The following ADAMTS12 variants were observed in gnomAD, a reference collection of about 807,000 sequenced individuals.
ADAMTS12 encodes the protein A disintegrin and metalloproteinase with thrombospondin motifs 12.
ADAMTS12 carries 118 observed loss-of-function variants against 167.8 expected under a neutral mutation model. The ratio of observed to expected loss-of-function variants is 0.70; its 90% CI spans 0.61 to 0.82. The LOEUF is 0.82. ADAMTS12 is among the 40% of genes least tolerant of loss of function. The probability of loss-of-function intolerance (pLI) is 0.00; values close to 1 mark genes in which losing one functional copy is unlikely to be tolerated. For synonymous variants in ADAMTS12, 704 were observed against 716.9 expected (o/e 0.98, Z 0.29); for missense variants, 1,916 against 1,998.8 (o/e 0.96, Z 0.79).
chr5:33,644,377 A>G (rs1277479278), intron 9 of ADAMTS12, among the ~76,000 whole-genome samples: 1 of 152,176 alleles, frequency 6.6e-6, no homozygotes. Context: ...GAAGCACCCA[A>G]GTGGGAAGGG....
intron 12 of ADAMTS12, among the ~76,000 whole-genome samples, chr5:33,632,077 T>C (rs1442875358): frequency 7.1e-6 from 1 of 141,816 alleles, no homozygotes; most frequent in African/African-American, 2.5e-5. Context: ...GCTGAAATGC[T>C]GAACAAACTT....
intron 5 of ADAMTS12, among the ~76,000 whole-genome samples, chr5:33,674,577 G>T (rs1057114435): frequency 5.3e-5 from 8 of 152,134 alleles, no homozygotes; most frequent in Non-Finnish European, 1.2e-4. Context: ...CTGTTTTAAA[G>T]GATTGGGGCT....
rs1342886680 is a variant in ADAMTS12 at position 33,524,860 on chromosome 5, T to C, written c.*2328A>G. 1 of 152,230 alleles carries C rather than the reference T, an allele frequency of 6.6e-6. No individual in the cohort carries two copies. Among genetic ancestry groups the C allele is most frequent in the Non-Finnish European group, 1.5e-5 (1 of 68,042 alleles). The allele number at this position is 152,230 out of a possible 1,614,324, so 9.4% of individuals were successfully genotyped here. A position where few individuals can be genotyped will look rare whatever the true frequency, so the allele number is the denominator to read the frequency against. On this transcript the variant is annotated 3_prime_UTR_variant, in exon 24 of 24. Transcript: ENST00000504830. ...GCCTTTGAGAAACTGGAAAAAGACC[T>C]AGAATGGAGCACCTGGCCAAACTCT... is the stretch of plus-strand genomic sequence containing the variant.
intron 2 of ADAMTS12, among the ~76,000 whole-genome samples, chr5:33,787,304 G>A (rs1177315132): frequency 6.6e-6 from 1 of 152,220 alleles, no homozygotes; most frequent in Non-Finnish European, 1.5e-5. Flanking sequence ...AGAAAGACAG[G>A]TTTGTAGATG....
rs367635836 is a variant in ADAMTS12, at chr5:33,554,353, T to C, written c.4126-4970A>G. Among the ~76,000 whole-genome samples, 197 of 152,244 alleles carry C rather than the reference T, an allele frequency of 1.3e-3. 1 individual carries two copies. The highest frequency in any genetic ancestry group is 4.6e-3 in the African/African-American group (192 of 41,540). ...TGGGTGGACGCCATCATGGAGAACC[T>C]TGTGGTCTGGACATTGGTGGTCTTG... On this transcript the variant is annotated intron_variant, in intron 20 of 23. Coordinates refer to ENST00000504830, the MANE Select transcript of ADAMTS12 (RefSeq NM_030955.4).
rs55672295 is a variant in ADAMTS12 at position 33,538,659 on chromosome 5, G to A, written c.4447-3667C>T. Among the ~76,000 whole-genome samples the A allele has an allele frequency of 8.2e-3, 1,242 of 152,172 alleles. 13 individuals are homozygous for A. The highest frequency in any genetic ancestry group is 0.029 in the African/African-American group (1,208 of 41,494). On this transcript the variant is annotated intron_variant, in intron 22 of 23. Coordinates refer to ENST00000504830, the MANE Select transcript of ADAMTS12 (RefSeq NM_030955.4). ...CTTCCCGGATAAACTGCCACAACAC[G>A]CAGTAGTTCACACAGTTTTTAGAAG...
intron 2 of ADAMTS12, among the ~76,000 whole-genome samples, chr5:33,849,863 AAT>A (rs1303992749): frequency 7.9e-5 from 12 of 151,074 alleles, no homozygotes; most frequent in African/African-American, 2.2e-4. Flanking sequence ...ACATTGTATC[AAT>A]ATATATATGT....
chr5:33,767,271 G>A (rs144896865), intron 2 of ADAMTS12, among the ~76,000 whole-genome samples: 8 of 152,136 alleles, frequency 5.3e-5, no homozygotes, highest in African/African-American at 1.9e-4. Flanking sequence ...TTCCTGAATG[G>A]TTGGATAACG....
intron 2 of ADAMTS12, among the ~76,000 whole-genome samples, chr5:33,763,814 C>T (rs2112413942): frequency 6.6e-6 from 1 of 152,296 alleles, no homozygotes; most frequent in East Asian, 1.9e-4. Flanking sequence ...ATTCTGGTTC[C>T]AGATGCAACA....
chr5:33,588,590 T>G lies in ADAMTS12; in HGVS notation c.2865+9A>C. The G allele has an allele frequency of 6.2e-7, 1 of 1,613,806 alleles. No individual in the cohort carries two copies. The highest frequency in any genetic ancestry group is 8.5e-7 in the Non-Finnish European group (1 of 1,179,692). On this transcript the variant is annotated intron_variant, in intron 18 of 23. Coordinates refer to ENST00000504830, the MANE Select transcript of ADAMTS12 (RefSeq NM_030955.4). The stretch of plus-strand genomic sequence containing the variant: ...TAATGCCAGTTTCCCCGCCGAGCCC[T>G]GAGCTCACCTCACTCCAGTTGCCCA...
intron 18 of ADAMTS12, among the ~76,000 whole-genome samples, chr5:33,579,187 G>A (rs192730916): frequency 4.6e-5 from 7 of 152,250 alleles, no homozygotes; most frequent in South Asian, 4.1e-4. Flanking sequence ...TTTTAGTCAC[G>A]CTGAGTCCCT....
intron 3 of ADAMTS12, among the ~76,000 whole-genome samples, chr5:33,738,247 T>C (rs896249377): frequency 6.6e-6 from 1 of 151,902 alleles, no homozygotes; most frequent in East Asian, 1.9e-4. Context: ...AATACCCTTC[T>C]CCAAACCAGG....
At chr5:33,664,951 T>TTA (rs1018221451) in intron 5 of ADAMTS12, among the ~76,000 whole-genome samples, 15 of 151,984 alleles carry the variant, frequency 9.9e-5, no homozygotes, top group African/African-American at 3.1e-4. Flanking sequence ...ATATATTCCA[T>TTA]TATATATATA....
chr5:33,533,958 T>C (rs533450760), intron 23 of ADAMTS12, among the ~76,000 whole-genome samples: 1 of 152,354 alleles, frequency 6.6e-6, no homozygotes, highest in East Asian at 1.9e-4. Context: ...CACAAAGGGC[T>C]ATCAAATTTT....
rs1365952923 is a variant in ADAMTS12, at chr5:33,885,443, T to C, written c.128-3963A>G. ...GAGATCGTGCCACTGCACTCCAGCCTGGGCAACAGAGTAAGACTCCGTCTC... is the reference window on the plus strand; with the variant it reads ...GAGATCGTGCCACTGCACTCCAGCCCGGGCAACAGAGTAAGACTCCGTCTC... On this transcript the variant is annotated intron_variant, in intron 1 of 23. Transcript: ENST00000504830. Among the ~76,000 whole-genome samples, 4 of 152,142 alleles carry C rather than the reference T, an allele frequency of 2.6e-5. No homozygotes were observed. The East Asian group carries it at 5.8e-4, about 22-fold the overall frequency.
intron 14 of ADAMTS12, among the ~76,000 whole-genome samples, chr5:33,620,540 A>G (rs1274277193): frequency 6.6e-6 from 1 of 152,230 alleles, no homozygotes; most frequent in African/African-American, 2.4e-5. Context: ...GTAGTACAGT[A>G]TTACTACAGT....
intron 3 of ADAMTS12, among the ~76,000 whole-genome samples, chr5:33,739,589 C>T (rs138597308): frequency 7.3e-4 from 111 of 152,330 alleles, no homozygotes; most frequent in African/African-American, 2.6e-3. Flanking sequence ...CCTCTCTCCC[C>T]GACAGATATT....
chr5:33,833,225 C>T (rs1416975227), intron 2 of ADAMTS12, among the ~76,000 whole-genome samples: 2 of 152,188 alleles, frequency 1.3e-5, no homozygotes, highest in African/African-American at 2.4e-5. Flanking sequence ...GTTCCAAGTA[C>T]ACCTCCAACT....
chr5:33,855,893 TTTTGTTTG>T (rs549391900), intron 2 of ADAMTS12, among the ~76,000 whole-genome samples: 3 of 152,056 alleles, frequency 2.0e-5, no homozygotes, highest in Non-Finnish European at 2.9e-5. Context: ...CACCCAGCTA[TTTTGTTTG>T]TTTGTTTGTT....
Sources: gnomAD v4.1 joint callset for allele counts (sites outside exome capture counted in the v4.1 genomes callset) on GRCh38, gnomAD v4.1.1 for gene constraint, MANE v1.5 for transcripts, NCBI Gene and HGNC (gene_info 2026-07-23, HGNC 2026-07-21) for gene names.